TTBK1: variants seen among roughly 807,000 people sequenced by gnomAD.
TTBK1 encodes tau-tubulin kinase 1.
TTBK1 carries 34 observed loss-of-function variants against 108.5 expected under a neutral mutation model. The ratio of observed to expected loss-of-function variants is 0.31; its 90% CI spans 0.24 to 0.42. The LOEUF (loss-of-function observed/expected upper bound fraction) is 0.42, where lower values mean the gene tolerates loss of function less well. Ranked by LOEUF, TTBK1 falls within the 10% of genes least tolerant of loss-of-function variation. The pLI is 1.00. For synonymous variants in TTBK1, 809 were observed against 795.1 expected, an observed-to-expected ratio of 1.02 and a Z score of -0.29; for missense variants, 1,539 against 1,826.0, an observed-to-expected ratio of 0.84 and a Z score of 2.86.
intron 2 of TTBK1, among the ~76,000 whole-genome samples, chr6:43,251,726 T>C (rs931175759): frequency 6.6e-6 from 1 of 152,198 alleles, no homozygotes; most frequent in African/African-American, 2.4e-5. Context: ...GTCAGACCGC[T>C]GCTCCATTCC....
chr6:43,279,322 T>C (rs1278777915), intron 13 of TTBK1, among the ~76,000 whole-genome samples: 1 of 152,166 alleles, frequency 6.6e-6, no homozygotes, highest in Non-Finnish European at 1.5e-5. Context: ...AAAGGGTGTC[T>C]CTAACCAAGG....
intron 13 of TTBK1, chr6:43,270,873 G>A (rs2150703578): frequency 2.0e-6 from 2 of 985,498 alleles, no homozygotes; most frequent in East Asian, 2.3e-4. Context: ...ACAAATCCCA[G>A]GCGGGAGCAG....
rs1018511142 is a variant in TTBK1 at position 43,275,531 on chromosome 6, G to A, written c.1987-7196G>A. ...GCGGAGGCGTTCGGCTAAGCCTCCA[G>A]GCTCGGAGGGCCCTGTCGCCCCACC... On this transcript the variant is annotated intron_variant, in intron 13 of 14. Coordinates refer to ENST00000259750, the MANE Select transcript of TTBK1 (RefSeq NM_032538.3). 6.6e-5 allele frequency among the ~76,000 whole-genome samples: 10 copies of A among 152,014 alleles called. No individual in the cohort carries two copies. In the Middle Eastern group the frequency reaches 0.01, roughly 155 times the overall value.
In TTBK1 at chr6:43,262,632, G is replaced by C. The variant is rs373483604; in HGVS notation, c.1425-157G>C. Among the ~76,000 whole-genome samples the C allele has an allele frequency of 5.9e-5, 9 of 152,366 alleles. No homozygotes were observed. The East Asian group carries it at 1.2e-3, about 20-fold the overall frequency. On this transcript the variant is annotated intron_variant, in intron 12 of 14. Coordinates refer to ENST00000259750, the MANE Select transcript of TTBK1 (RefSeq NM_032538.3). ...CAAAGCCTTGATAGGAAGTGAGGTT[G>C]GAGGGTGACAACCTAGAGGTAACTG...
In TTBK1 at chr6:43,246,588, G is replaced by A; in HGVS notation, c.-54-19G>A. 3.2e-6 allele frequency: 4 copies of A among 1,231,776 alleles called. No homozygotes were observed. Among genetic ancestry groups the A allele is most frequent in the South Asian group, 1.5e-5 (1 of 67,850 alleles). 76.3% of individuals were successfully genotyped at this position (1,231,776 alleles called of 1,614,324 possible). A position where few individuals can be genotyped will look rare whatever the true frequency, so the allele number is the denominator to read the frequency against. On this transcript the variant is annotated intron_variant, in intron 1 of 14. Coordinates refer to ENST00000259750, the MANE Select transcript of TTBK1 (RefSeq NM_032538.3). ...CTGGGTCCGCAGCCCGCCCTCACAG[G>A]CCCTCCTCACTCCCCTAGGTAGATG...
In TTBK1 at chr6:43,246,829, G is replaced by A. The variant is rs1777101994; in HGVS notation, c.108+61G>A. The A allele has an allele frequency of 2.8e-6, 4 of 1,427,832 alleles. No homozygotes were observed. In the South Asian group the frequency reaches 5.1e-5, roughly 18 times the overall value. The allele number at this position is 1,427,832 out of a possible 1,614,324, so 88.4% of individuals were successfully genotyped here. On this transcript the variant is annotated intron_variant, in intron 2 of 14. Coordinates refer to ENST00000259750, the MANE Select transcript of TTBK1 (RefSeq NM_032538.3). ...GCGGGGAGGGAGGCGAGGACCTGGA[G>A]ACTTGTTAAAACCGGTGCCCTCCGC...
chr6:43,270,122 C>T, intron 13 of TTBK1: 1 of 1,376,534 alleles, frequency 7.3e-7, no homozygotes, highest in Non-Finnish European at 9.3e-7. Context: ...ATACTCCCAC[C>T]CCAAGCAGAG....
In TTBK1 at chr6:43,253,931, C is replaced by T. The variant is rs1777317563; in HGVS notation, c.471+223C>T. Among the ~76,000 whole-genome samples, 1 of 152,218 alleles carries T rather than the reference C, an allele frequency of 6.6e-6. No individual in the cohort carries two copies. The highest frequency in any genetic ancestry group is 2.4e-5 in the African/African-American group (1 of 41,454). On this transcript the variant is annotated intron_variant, in intron 5 of 14. Coordinates refer to ENST00000259750, the MANE Select transcript of TTBK1 (RefSeq NM_032538.3). The surrounding 1 kb of genome is among the most constrained non-coding windows in gnomAD (Gnocchi z 5.8). ...TGCCTGCCCCTCGGCCATGGCCAGG[C>T]CTCTCCTCTGTTCTTCCCTTCTGTT...
chr6:43,263,687 G>A lies in TTBK1; in HGVS notation c.1986+337G>A, dbSNP rs781249772. On this transcript the variant is annotated intron_variant, in intron 13 of 14. Coordinates refer to ENST00000259750, the MANE Select transcript of TTBK1 (RefSeq NM_032538.3). This position sits in a 1 kb window ranked among gnomAD's most constrained non-coding sequence, Gnocchi z 4.7. ...AACACTGAGCTGATGGCACACTGCA[G>A]CAGACAAGGCTGTGAGGTCAGCCCT... 5.3e-5 allele frequency among the ~76,000 whole-genome samples: 8 copies of A among 152,210 alleles called. No homozygotes were observed. Among genetic ancestry groups the A allele is most frequent in the Non-Finnish European group, 1.0e-4 (7 of 68,034 alleles).
intron 12 of TTBK1, 149 bp from the exon 13 acceptor site, chr6:43,262,640 A>C: frequency 1.6e-6 from 1 of 611,562 alleles, no homozygotes; most frequent in Non-Finnish European, 2.6e-6. Flanking sequence ...TTGGAGGGTG[A>C]CAACCTAGAG....
chr6:43,285,471 C>T lies in TTBK1; in HGVS notation c.*95C>T. 1 of 1,224,212 alleles carries T rather than the reference C, an allele frequency of 8.2e-7. No individual in the cohort carries two copies. The highest frequency in any genetic ancestry group is 1.0e-6 in the Non-Finnish European group (1 of 983,152). The allele number at this position is 1,224,212 out of a possible 1,614,324, so 75.8% of individuals were successfully genotyped here. A position where few individuals can be genotyped will look rare whatever the true frequency, so the allele number is the denominator to read the frequency against. ...GCAGCTCCCAGCACAGCCTTACGCG[C>T]CCGACGCGCGCCACCCGCGGCCCCA... On this transcript the variant is annotated 3_prime_UTR_variant, in exon 15 of 15. Transcript: ENST00000259750. The surrounding 1 kb of genome is among the most constrained non-coding windows in gnomAD (Gnocchi z 4.7).
Position 43,283,187 on chromosome 6 carries a change from C to A in TTBK1, c.2447C>A (p.Ser816Tyr). ...CTGCTGGCAGACGATCAGAAGGAGTCCAGGGGCCGGGCCTCCATGGCCGAT... is the reference window on the plus strand; with the variant it reads ...CTGCTGGCAGACGATCAGAAGGAGTACAGGGGCCGGGCCTCCATGGCCGAT... ...STLLADDQKE[S>Y]RGRASMADGD... Residue 816 changes from serine to tyrosine, a missense_variant, in exon 14 of 15, where the codon TCC becomes TAC. Ser to Tyr is a moderately radical substitution (Grantham distance 144). Around this residue, in one of 5 missense-constraint regions of TTBK1, gnomAD observed 1,055 missense variants for 1,086.5 expected, o/e 0.97. Transcript: ENST00000259750. This position sits in a 1 kb window ranked among gnomAD's most constrained non-coding sequence, Gnocchi z 8.1. 6.4e-7 allele frequency: 1 copy of A among 1,553,678 alleles called. No individual in the cohort carries two copies. Among genetic ancestry groups the A allele is most frequent in the Non-Finnish European group, 8.7e-7 (1 of 1,149,008 alleles).
intron 1 of TTBK1, among the ~76,000 whole-genome samples, chr6:43,244,031 C>A (rs1202495579): frequency 2.0e-5 from 3 of 152,120 alleles, no homozygotes; most frequent in Admixed American, 1.3e-4. Flanking sequence ...GTCTCCGTAA[C>A]CTCCCTCCCT....
intron 13 of TTBK1, among the ~76,000 whole-genome samples, chr6:43,268,916 C>T (rs534487486): frequency 3.9e-5 from 6 of 152,326 alleles, no homozygotes; most frequent in African/African-American, 9.6e-5. Context: ...TACTCCATGG[C>T]GGGTGCTGTT....
In TTBK1 at chr6:43,259,378, C is replaced by A; in HGVS notation, c.1248+109C>A. The A allele has an allele frequency of 8.0e-7, 1 of 1,244,740 alleles. No individual in the cohort carries two copies. Among genetic ancestry groups the A allele is most frequent in the Non-Finnish European group, 1.1e-6 (1 of 909,090 alleles). 77.1% of individuals were successfully genotyped at this position (1,244,740 alleles called of 1,614,324 possible). On this transcript the variant is annotated intron_variant, in intron 11 of 14. Coordinates refer to ENST00000259750, the MANE Select transcript of TTBK1 (RefSeq NM_032538.3). This position sits in a 1 kb window ranked among gnomAD's most constrained non-coding sequence, Gnocchi z 6.7. ...TAAGCACCCTGTCCCCGGCCATCTG[C>A]CTGCTTGCCCTGCCTCTGTTTCCCG...
chr6:43,255,879 C>T, intron 9 of TTBK1, 23 bp downstream of exon 9: 1 of 1,613,916 alleles, frequency 6.2e-7, no homozygotes, highest in African/African-American at 1.3e-5. Flanking sequence ...TACCCTGCCC[C>T]CGCTCCCTCG....
intron 13 of TTBK1, among the ~76,000 whole-genome samples, chr6:43,268,025 T>C (rs979106456): frequency 6.6e-6 from 1 of 152,208 alleles, no homozygotes; most frequent in Non-Finnish European, 1.5e-5. Context: ...AGCACTCTTA[T>C]CTGCTAGAAG....
chr6:43,259,147 G>A lies in TTBK1; in HGVS notation c.1126G>A (p.Gly376Arg), dbSNP rs778079518. Reference sequence around the variant, plus strand: ...GGAGAATGCACCCCCAATTCTGCCCGGGAGGCCCTCTGAGGGGCTGGGCCC... The same window carrying A: ...GGAGAATGCACCCCCAATTCTGCCCAGGAGGCCCTCTGAGGGGCTGGGCCC... ...DQENAPPILP[G>R]RPSEGLGPSP... The change falls in exon 11 of 15, where the codon GGG becomes AGG. Residue 376 changes from glycine to arginine, a missense_variant. By Grantham distance (125) the Gly-to-Arg change is moderately radical. Around this residue, in one of 5 missense-constraint regions of TTBK1, gnomAD observed 277 missense variants for 332.4 expected, o/e 0.83. Coordinates refer to ENST00000259750, the MANE Select transcript of TTBK1 (RefSeq NM_032538.3). The surrounding 1 kb of genome is among the most constrained non-coding windows in gnomAD (Gnocchi z 6.7). 104 of 1,613,858 alleles carry A rather than the reference G, an allele frequency of 6.4e-5. 1 individual carries two copies. In the Admixed American group the frequency reaches 1.3e-3, roughly 20 times the overall value.
At chr6:43,262,653 A>C (rs1347061829) in intron 12 of TTBK1, 136 bp from the exon 13 acceptor site, 2 of 747,778 alleles carry the variant, frequency 2.7e-6, no homozygotes, top group African/African-American at 3.5e-5. Context: ...ACCTAGAGGT[A>C]ACTGGCCTGG....
Sources: allele counts gnomAD v4.1 joint callset (sites outside exome capture counted in the v4.1 genomes callset), GRCh38; gene constraint gnomAD v4.1.1; regional missense constraint gnomAD v4.1.1; non-coding constraint Gnocchi (gnomAD v3.1); transcripts MANE v1.5; gene names NCBI Gene and HGNC (gene_info 2026-07-23, HGNC 2026-07-21).